The following CEP112 variants were observed in gnomAD, a reference collection of about 807,000 sequenced individuals.
CEP112 encodes centrosomal protein 112, also known as centrosomal protein of 112 kDa.
Under a neutral mutation model 153.0 loss-of-function variants are expected in CEP112, and 127 were observed. The ratio of observed to expected loss-of-function variants is 0.83; its 90% CI spans 0.72 to 0.96. The LOEUF is 0.96. Ranked by LOEUF, CEP112 falls within the 40% of genes least tolerant of loss-of-function variation. CEP112 has a pLI of 0.00. For synonymous variants in CEP112, 358 were observed against 374.4 expected (o/e 0.96, Z 0.51); for missense variants, 1,089 against 1,101.2 (o/e 0.99, Z 0.16).
chr17:65,707,329 T>C (rs987307767), intron 23 of CEP112, among the ~76,000 whole-genome samples: 1 of 152,114 alleles, frequency 6.6e-6, no homozygotes, highest in Non-Finnish European at 1.5e-5. Context: ...CTTCTCTCCA[T>C]CTCTAGTACT....
At chr17:65,920,396 T>TAA (rs2060672703) in intron 19 of CEP112, among the ~76,000 whole-genome samples, 1 of 113,456 alleles carries the variant, frequency 8.8e-6, no homozygotes, top group Non-Finnish European at 1.8e-5. Context: ...TATATATATA[T>TAA]ATATATATAA....
intron 11 of CEP112, among the ~76,000 whole-genome samples, chr17:66,058,144 T>G (rs2066776315): frequency 7.8e-6 from 1 of 129,028 alleles, no homozygotes; most frequent in South Asian, 3.4e-4. Context: ...ATCCACTATT[T>G]ATTGTATAAC....
chr17:66,137,100 G>T (rs547810447), intron 4 of CEP112, among the ~76,000 whole-genome samples: 16 of 152,046 alleles, frequency 1.1e-4, no homozygotes, highest in Non-Finnish European at 1.6e-4. Flanking sequence ...TATTCAATAA[G>T]CTTAGGATAA....
intron 21 of CEP112, among the ~76,000 whole-genome samples, chr17:65,765,672 C>T (rs1332858357): frequency 6.6e-6 from 1 of 152,030 alleles, no homozygotes; most frequent in African/African-American, 2.4e-5. Context: ...TGAACTCTCA[C>T]AATATGTTGC....
intron 8 of CEP112, among the ~76,000 whole-genome samples, chr17:66,074,329 T>C (rs2067405237): frequency 6.6e-6 from 1 of 152,080 alleles, no homozygotes; most frequent in Non-Finnish European, 1.5e-5. Context: ...TAAAAATCAA[T>C]AACACTTTGG....
At chr17:65,863,380 A>C (rs2058370695) in intron 20 of CEP112, among the ~76,000 whole-genome samples, 1 of 152,238 alleles carries the variant, frequency 6.6e-6, no homozygotes, top group Non-Finnish European at 1.5e-5. Context: ...CTAACAAATT[A>C]AATACAATAA....
At chr17:65,646,495 A>G (rs887948882) in intron 24 of CEP112, among the ~76,000 whole-genome samples, 7 of 152,350 alleles carry the variant, frequency 4.6e-5, no homozygotes, top group Middle Eastern at 6.8e-3. Context: ...TCTATTTATG[A>G]GGTTAATAAA....
rs1203460142 is a variant in CEP112 at position 66,007,496 on chromosome 17, T to C, written c.1657-1727A>G. Among the ~76,000 whole-genome samples, 6 of 152,322 alleles carry C rather than the reference T, an allele frequency of 3.9e-5. No homozygotes were observed. The East Asian group carries it at 1.2e-3, about 29-fold the overall frequency. On this transcript the variant is annotated intron_variant, in intron 16 of 26. Coordinates refer to ENST00000535342, the MANE Select transcript of CEP112 (RefSeq NM_001199165.4). ...TACAGTGTTTGGCACATAGTAAGCA[T>C]ACTATACTAGAGTACAAACATTACT...
Position 65,902,330 on chromosome 17 carries a change from A to C in CEP112, c.1985T>G (p.Val662Gly). 6.2e-7 allele frequency: 1 copy of C among 1,612,348 alleles called. No individual in the cohort carries two copies. Among genetic ancestry groups the C allele is most frequent in the Non-Finnish European group, 8.5e-7 (1 of 1,179,412 alleles). ...DIRQRYEQQI[V>G]ELKLEHEQEK... ...CTGTTCATGCTCCAGCTTCAGCTCT[A>C]CTATCTGATTGGACAATGAGGAGGA... is the stretch of plus-strand genomic sequence containing the variant. Residue 662 changes from valine to glycine, a missense_variant, in exon 20 of 27, where the codon GTA becomes GGA. Transcript: ENST00000535342.
At chr17:65,949,475 C>T (rs957169179) in intron 18 of CEP112, among the ~76,000 whole-genome samples, 2 of 152,174 alleles carry the variant, frequency 1.3e-5, no homozygotes, top group African/African-American at 4.8e-5. Context: ...GTGAGGGCTG[C>T]TCAGAAAGAT....
intron 6 of CEP112, among the ~76,000 whole-genome samples, chr17:66,113,079 T>G (rs967674696): frequency 6.6e-6 from 1 of 151,808 alleles, no homozygotes. Flanking sequence ...CAAAAAAAAG[T>G]AAATAAATAA....
chr17:65,738,808 T>C (rs1177623723), intron 23 of CEP112, among the ~76,000 whole-genome samples: 1 of 152,246 alleles, frequency 6.6e-6, no homozygotes, highest in Non-Finnish European at 1.5e-5. Context: ...CTATTTTGTA[T>C]AGTTGAGGAA....
intron 17 of CEP112, among the ~76,000 whole-genome samples, chr17:65,988,033 C>CA (rs758253204): frequency 1.1e-4 from 17 of 152,130 alleles, no homozygotes; most frequent in Non-Finnish European, 2.4e-4. Flanking sequence ...GTAACTTGGC[C>CA]AAAAAAGACA....
intron 26 of CEP112, among the ~76,000 whole-genome samples, chr17:65,636,384 G>T (rs570526529): frequency 6.6e-6 from 1 of 152,232 alleles, no homozygotes. Context: ...CTGAGCTGTT[G>T]GTCTATTCTG....
chr17:66,124,581 C>T (rs1224995935), intron 6 of CEP112, among the ~76,000 whole-genome samples: 5 of 151,904 alleles, frequency 3.3e-5, no homozygotes, highest in African/African-American at 1.2e-4. Flanking sequence ...AAAAAAAAAT[C>T]CCCTCACATT....
At chr17:65,950,773 T>C (rs2144625964) in intron 18 of CEP112, among the ~76,000 whole-genome samples, 2 of 151,956 alleles carry the variant, frequency 1.3e-5, no homozygotes, top group Non-Finnish European at 2.9e-5. Context: ...GAAGTTCCAA[T>C]ACAATGTTGA....
At chr17:65,862,445 G>T (rs908941595) in intron 20 of CEP112, among the ~76,000 whole-genome samples, 1 of 152,044 alleles carries the variant, frequency 6.6e-6, no homozygotes, top group Non-Finnish European at 1.5e-5. Context: ...AAAATTAGCC[G>T]GGCGTGGTGG....
At chr17:65,956,508 C>G (rs996921223) in intron 18 of CEP112, among the ~76,000 whole-genome samples, 2 of 151,668 alleles carry the variant, frequency 1.3e-5, no homozygotes, top group Non-Finnish European at 2.9e-5. Flanking sequence ...TACTGGAGAC[C>G]ATTATTCTAA....
intron 20 of CEP112, among the ~76,000 whole-genome samples, chr17:65,886,190 T>C (rs936178145): frequency 6.6e-6 from 1 of 152,146 alleles, no homozygotes; most frequent in African/African-American, 2.4e-5. Flanking sequence ...TGTTCCTAAC[T>C]TGAAAGAGGG....
Sources: gnomAD v4.1 joint callset for allele counts (sites outside exome capture counted in the v4.1 genomes callset) on GRCh38, gnomAD v4.1.1 for gene constraint, MANE v1.5 for transcripts, NCBI Gene and HGNC (gene_info 2026-07-23, HGNC 2026-07-21) for gene names.